Variants in DAPK2 observed in about 807,000 individuals in gnomAD.
DAPK2 encodes the protein death-associated protein kinase 2.
Under a neutral mutation model 44.1 loss-of-function variants are expected in DAPK2, and 35 were observed. The observed-to-expected ratio is 0.79, with a 90% confidence interval of 0.61 to 1.05. DAPK2 has a LOEUF of 1.05. Ranked by LOEUF, DAPK2 falls within the 50% of genes least tolerant of loss-of-function variation. The probability of loss-of-function intolerance (pLI) is 0.00; values close to 1 mark genes in which losing one functional copy is unlikely to be tolerated. For synonymous variants in DAPK2, 174 were observed against 182.6 expected (o/e 0.95, Z 0.38); for missense variants, 453 against 483.2 (o/e 0.94, Z 0.59).
intron 8 of DAPK2, among the ~76,000 whole-genome samples, chr15:63,914,605 C>T (rs1183778408): frequency 2.0e-5 from 3 of 152,174 alleles, no homozygotes; most frequent in Non-Finnish European, 2.9e-5. Context: ...CCAGTGGCTT[C>T]CCTGTGCCCT....
chr15:63,924,542 G>T, intron 8 of DAPK2: 1 of 416,108 alleles, frequency 2.4e-6, no homozygotes, highest in South Asian at 3.7e-5. Flanking sequence ...TGTGTAAGTT[G>T]GCCCCAAAGA....
intron 3 of DAPK2, among the ~76,000 whole-genome samples, chr15:63,942,640 C>G (rs2077341073): frequency 6.6e-6 from 1 of 152,102 alleles, no homozygotes; most frequent in South Asian, 2.1e-4. Context: ...GCCCGAGTCT[C>G]ATCTGTCCTC....
chr15:64,014,873 T>G (rs535746059), intron 1 of DAPK2, among the ~76,000 whole-genome samples: 93 of 147,832 alleles, frequency 6.3e-4, no homozygotes, highest in African/African-American at 2.2e-3. Context: ...TGAGCTGAAA[T>G]CGTGAAATAG....
At chr15:64,026,564 C>G (rs555063635) in intron 1 of DAPK2, among the ~76,000 whole-genome samples, 4 of 152,098 alleles carry the variant, frequency 2.6e-5, no homozygotes, top group Non-Finnish European at 4.4e-5. Context: ...CCTCTTAAGC[C>G]TCACTTTGGT....
At chr15:63,971,374 A>T in intron 3 of DAPK2, 49 bp downstream of exon 4, 1 of 1,606,012 alleles carries the variant, frequency 6.2e-7, no homozygotes, top group Non-Finnish European at 8.5e-7. Flanking sequence ...GGAGGGACTA[A>T]GCCTCTTCTT....
intron 1 of DAPK2, among the ~76,000 whole-genome samples, chr15:64,002,974 CTGTGTGTGTGTG>C (rs58879927): frequency 2.9e-4 from 15 of 51,638 alleles, no homozygotes; most frequent in East Asian, 2.8e-3. Context: ...GTCGTGGGAC[CTGTGTGTGTGTG>C]TGTGTGTGTG....
chr15:63,930,723 C>A (rs1408339946), intron 4 of DAPK2, among the ~76,000 whole-genome samples: 3 of 152,126 alleles, frequency 2.0e-5, no homozygotes, highest in Admixed American at 2.0e-4. Flanking sequence ...GTGATTAGGT[C>A]ATGAGAATGG....
rs1164760067 is a variant in DAPK2 at position 63,923,093 on chromosome 15, T to G, written c.858+1723A>C. The G allele has an allele frequency of 4.6e-6, 7 of 1,535,886 alleles. No individual in the cohort carries two copies. Among genetic ancestry groups the G allele is most frequent in the Non-Finnish European group, 6.1e-6 (7 of 1,146,734 alleles). ...ATTCTCCTCTCGGTACCAAGCTTCC[T>G]TCTCATTGAAGATGGAGACCAGGGC... On this transcript the variant is annotated intron_variant, in intron 8 of 10. Coordinates refer to ENST00000261891, the Ensembl canonical transcript of DAPK2. This position sits in a 1 kb window ranked among gnomAD's most constrained non-coding sequence, Gnocchi z 4.2.
chr15:63,931,602 A>T (rs1382022336), intron 4 of DAPK2, among the ~76,000 whole-genome samples: 1 of 152,100 alleles, frequency 6.6e-6, no homozygotes, highest in Non-Finnish European at 1.5e-5. Flanking sequence ...TCCCTGAGAC[A>T]ATGAGCTTGA....
intron 4 of DAPK2, chr15:63,935,678 A>G (rs2077124793): frequency 1.3e-5 from 2 of 152,118 alleles, no homozygotes; most frequent in Non-Finnish European, 2.9e-5. Flanking sequence ...AGTTCTGAAA[A>G]TTCTCAGCCA....
chr15:63,910,465 G>A (rs553360778), intron 10 of DAPK2, among the ~76,000 whole-genome samples: 9 of 152,322 alleles, frequency 5.9e-5, no homozygotes, highest in African/African-American at 1.7e-4. Context: ...CTCCATAAGC[G>A]GGGGGAGGGG....
At chr15:63,985,788 G>A (rs1362305075) in intron 1 of DAPK2, among the ~76,000 whole-genome samples, 1 of 152,198 alleles carries the variant, frequency 6.6e-6, no homozygotes, top group Non-Finnish European at 1.5e-5. Flanking sequence ...TGTTGACGTT[G>A]TTTCCCCTTC....
At chr15:64,000,850 C>T (rs1030416670) in intron 1 of DAPK2, among the ~76,000 whole-genome samples, 9 of 151,966 alleles carry the variant, frequency 5.9e-5, no homozygotes, top group African/African-American at 2.2e-4. Flanking sequence ...GCTTACTCCC[C>T]AATCCTTCTC....
chr15:63,996,121 CA>C (rs372318262), intron 1 of DAPK2, among the ~76,000 whole-genome samples: 19 of 152,312 alleles, frequency 1.2e-4, no homozygotes, highest in Non-Finnish European at 2.2e-4. Flanking sequence ...ATATCAGAAT[CA>C]TTTGGGGAGC....
chr15:64,041,024 T>A (rs2080341457), upstream of DAPK2, among the ~76,000 whole-genome samples: 1 of 151,856 alleles, frequency 6.6e-6, no homozygotes, highest in Admixed American at 6.6e-5. Flanking sequence ...AAAATGGGGC[T>A]AATACTGTAA....
At chr15:64,026,436 G>A (rs1417891033) in intron 1 of DAPK2, among the ~76,000 whole-genome samples, 1 of 152,004 alleles carries the variant, frequency 6.6e-6, no homozygotes, top group East Asian at 1.9e-4. Flanking sequence ...TAGAGTCAGG[G>A]TTTCGCCATG....
At chr15:63,986,009 T>G (rs4776701) in intron 1 of DAPK2, among the ~76,000 whole-genome samples, 45,975 of 152,138 alleles carry the variant, frequency 0.3, 7,783 homozygotes, top group East Asian at 0.83. Flanking sequence ...GTGACTACGA[T>G]GGCGCCAAAT....
chr15:63,925,193 G>A (rs185396569), intron 7 of DAPK2, among the ~76,000 whole-genome samples: 57 of 152,232 alleles, frequency 3.7e-4, no homozygotes, highest in African/African-American at 1.3e-3. Flanking sequence ...CTAAATCCCT[G>A]GTCTGTTTTT....
chr15:64,000,390 C>T (rs1187842821), intron 1 of DAPK2, among the ~76,000 whole-genome samples: 3 of 152,190 alleles, frequency 2.0e-5, no homozygotes, highest in Admixed American at 1.3e-4. Flanking sequence ...TGTCCCCACA[C>T]CCAGACTCCT....
Sources: allele counts gnomAD v4.1 joint callset (sites outside exome capture counted in the v4.1 genomes callset), GRCh38; gene constraint gnomAD v4.1.1; non-coding constraint Gnocchi (gnomAD v3.1); transcripts MANE v1.5; gene names NCBI Gene and HGNC (gene_info 2026-07-23, HGNC 2026-07-21).